The following TCF7L2 variants were observed in gnomAD, a reference collection of about 807,000 sequenced individuals.
TCF7L2 encodes transcription factor 7 like 2.
Under a neutral mutation model 77.9 loss-of-function variants are expected in TCF7L2, and 23 were observed. The ratio of observed to expected loss-of-function variants is 0.30; its 90% CI spans 0.21 to 0.42. The LOEUF (loss-of-function observed/expected upper bound fraction) is 0.42. Ranked by LOEUF, TCF7L2 falls within the 10% of genes least tolerant of loss-of-function variation. TCF7L2 has a pLI of 1.00. For synonymous variants in TCF7L2, 413 were observed against 340.2 expected (o/e 1.21, Z -2.36); for missense variants, 654 against 793.1 (o/e 0.82, Z 2.11).
intron 5 of TCF7L2, among the ~76,000 whole-genome samples, chr10:113,119,150 C>T (rs941037899): frequency 6.6e-6 from 1 of 152,144 alleles, no homozygotes; most frequent in Non-Finnish European, 1.5e-5. Context: ...ATAATGGGAC[C>T]GCTGCGAATT....
chr10:113,033,017 C>T (rs894956304), intron 4 of TCF7L2, among the ~76,000 whole-genome samples: 3 of 151,970 alleles, frequency 2.0e-5, no homozygotes, highest in African/African-American at 7.3e-5. Flanking sequence ...TACCTTTTTC[C>T]CCCTATATTC....
intron 5 of TCF7L2, among the ~76,000 whole-genome samples, chr10:113,130,606 T>C (rs2066427451): frequency 6.6e-6 from 1 of 152,178 alleles, no homozygotes; most frequent in South Asian, 2.1e-4. Flanking sequence ...AAACTTAATA[T>C]AAAATGTGTT....
chr10:113,165,565 A>G lies in TCF7L2; in HGVS notation c.1402A>G (p.Lys468Glu). ...CTCCCCTGTTTCTAGGAGAAAAAAA[A>G]AGTGCGTTCGCTACATACAAGGTGA... Residue 468 changes from lysine to glutamate, a missense_variant, in exon 14 of 14, where the codon AAG (lysine) becomes GAG (glutamate). Around this residue, in one of 6 missense-constraint regions of TCF7L2, gnomAD observed 272 missense variants for 215.4 expected, o/e 1.26. Transcript: ENST00000627217. The G allele has an allele frequency of 6.2e-7, 1 of 1,613,754 alleles. No individual in the cohort carries two copies. The highest frequency in any genetic ancestry group is 8.5e-7 in the Non-Finnish European group (1 of 1,179,906).
intron 4 of TCF7L2, among the ~76,000 whole-genome samples, chr10:113,026,512 C>A (rs1165025459): frequency 6.6e-6 from 1 of 152,146 alleles, no homozygotes; most frequent in African/African-American, 2.4e-5. Context: ...TCAGCCAGCT[C>A]CACAATGGTG....
chr10:113,141,442 G>A, intron 6 of TCF7L2, 126 bp downstream of exon 6: 6 of 1,362,630 alleles, frequency 4.4e-6, no homozygotes, highest in Non-Finnish European at 3.9e-6. Context: ...TGGTGGGGGG[G>A]CCCCTGTTGC....
At chr10:113,041,930 C>G (rs1304107981) in intron 5 of TCF7L2, among the ~76,000 whole-genome samples, 1 of 152,170 alleles carries the variant, frequency 6.6e-6, no homozygotes, top group Non-Finnish European at 1.5e-5. Flanking sequence ...TCGTTGTTCT[C>G]TCTCTTTGAG....
intron 5 of TCF7L2, among the ~76,000 whole-genome samples, chr10:113,052,173 G>A (rs2054583256): frequency 6.6e-6 from 1 of 152,162 alleles, no homozygotes; most frequent in Non-Finnish European, 1.5e-5. Context: ...GCCCCGAAAG[G>A]CTACAGTGTT....
Position 113,013,114 on chromosome 10 carries a change from G to GTTTT in TCF7L2, c.451-26892_451-26889dup, listed in dbSNP as rs35964949. 9.1e-5 allele frequency among the ~76,000 whole-genome samples: 10 copies of GTTTT among 109,904 alleles called. No homozygotes were observed. In the South Asian group the frequency reaches 2.8e-3, roughly 31 times the overall value. The allele number at this position is 109,904 out of a possible 152,430, so 72.1% of individuals were successfully genotyped here. A position where few individuals can be genotyped will look rare whatever the true frequency, so the allele number is the denominator to read the frequency against. On this transcript the variant is annotated intron_variant, in intron 4 of 13. Coordinates refer to ENST00000627217, the MANE Select transcript of TCF7L2 (RefSeq NM_001146274.2). ...CTCTCCCATGGTTTATAAGCAAGTG[G>GTTTT]TTTTTTTTTTTTTTTTTTTTTTCAG... is the stretch of plus-strand genomic sequence containing the variant.
chr10:113,110,697 T>C (rs2063016920), intron 5 of TCF7L2, among the ~76,000 whole-genome samples: 2 of 152,190 alleles, frequency 1.3e-5, no homozygotes, highest in African/African-American at 4.8e-5. Context: ...ATGCCAGTAG[T>C]TTGAGTTGTT....
intron 5 of TCF7L2, among the ~76,000 whole-genome samples, chr10:113,068,556 A>C (rs564194004): frequency 2.0e-5 from 3 of 152,240 alleles, no homozygotes; most frequent in Admixed American, 2.0e-4. Flanking sequence ...TGGACACCAG[A>C]ATTCACAGCA....
chr10:113,021,853 C>T (rs540996833), intron 4 of TCF7L2, among the ~76,000 whole-genome samples: 2 of 152,324 alleles, frequency 1.3e-5, no homozygotes, highest in African/African-American at 4.8e-5. Context: ...CCACACTGGT[C>T]TTTGGACTGA....
intron 5 of TCF7L2, chr10:113,089,270 C>A (rs2060130185): frequency 4.9e-6 from 5 of 1,029,848 alleles, no homozygotes; most frequent in Non-Finnish European, 6.9e-6. Flanking sequence ...GAACTGTAAT[C>A]CCTCTATCAT....
chr10:113,016,099 T>C (rs912830839), intron 4 of TCF7L2, among the ~76,000 whole-genome samples: 1 of 150,852 alleles, frequency 6.6e-6, no homozygotes, highest in Non-Finnish European at 1.5e-5. Flanking sequence ...GAGTCTTGCT[T>C]TGTTGCCCAG....
At chr10:112,951,122 A>G in intron 1 of TCF7L2, 85 bp from the exon 2 acceptor site, 3 of 1,023,602 alleles carry the variant, frequency 2.9e-6, no homozygotes, top group Non-Finnish European at 2.8e-6. Flanking sequence ...CCCCCCCTCG[A>G]CCTCGCCGAT....
At position 113,035,895 on chromosome 10, in the gene TCF7L2, G is replaced by C. The variant is rs557489105; in HGVS notation, c.451-4130G>C. Among the ~76,000 whole-genome samples, 30 of 152,332 alleles carry C rather than the reference G, an allele frequency of 2.0e-4. No individual in the cohort carries two copies. The South Asian group carries it at 6.0e-3, about 31-fold the overall frequency. ...GAGTCGAGTAGTTATGACAGAGATTGTGTGGGCCGCAAAGCCTAAGATATT... is the reference window on the plus strand; with the variant it reads ...GAGTCGAGTAGTTATGACAGAGATTCTGTGGGCCGCAAAGCCTAAGATATT... On this transcript the variant is annotated intron_variant, in intron 4 of 13. Transcript: ENST00000627217.
At chr10:113,024,707 C>T (rs558513806) in intron 4 of TCF7L2, among the ~76,000 whole-genome samples, 41 of 147,520 alleles carry the variant, frequency 2.8e-4, no homozygotes, top group Non-Finnish European at 5.8e-4. Context: ...GCAACCTCTA[C>T]CTCCCAGGTC....
intron 8 of TCF7L2, among the ~76,000 whole-genome samples, chr10:113,149,018 G>A (rs1009622083): frequency 3.3e-5 from 5 of 151,974 alleles, no homozygotes; most frequent in East Asian, 1.9e-4. Context: ...TCCCTCTCAC[G>A]TCTGTACACA....
At chr10:112,966,198 A>ATT in intron 4 of TCF7L2, among the ~76,000 whole-genome samples, 2 of 138,472 alleles carry the variant, frequency 1.4e-5, no homozygotes, top group Non-Finnish European at 3.0e-5. Flanking sequence ...ATATATATAT[A>ATT]TATATATATA....
intron 5 of TCF7L2, among the ~76,000 whole-genome samples, chr10:113,134,240 GGTA>G (rs201718614): frequency 0.015 from 2,309 of 152,294 alleles, 32 homozygotes; most frequent in South Asian, 0.049. Context: ...CACGGGCCAG[GGTA>G]AAATGCTCTG....
Sources: gnomAD v4.1 joint callset for allele counts (sites outside exome capture counted in the v4.1 genomes callset) on GRCh38, gnomAD v4.1.1 for gene constraint, gnomAD v4.1.1 regional missense constraint, MANE v1.5 for transcripts, NCBI Gene and HGNC (gene_info 2026-07-23, HGNC 2026-07-21) for gene names.